KCNJ18: variants seen among roughly 807,000 people sequenced by gnomAD.
KCNJ18 encodes inward rectifier potassium channel 18.
Under a neutral mutation model 17.3 loss-of-function variants are expected in KCNJ18, and 16 were observed. The ratio of observed to expected loss-of-function variants is 0.92; its 90% CI spans 0.62 to 1.40. The LOEUF is 1.40. Ranked by LOEUF, KCNJ18 falls within the 40% of genes most tolerant of loss-of-function variation. The pLI is 0.00. For synonymous variants in KCNJ18, 185 were observed against 262.6 expected (o/e 0.70, Z 2.86); for missense variants, 462 against 626.8 (o/e 0.74, Z 2.81).
chr17:21,702,549 C>T (rs1332462233), intron 2 of KCNJ18, among the ~76,000 whole-genome samples, 182 bp from the exon 3 acceptor site: 7 of 152,278 alleles, frequency 4.6e-5, no homozygotes, highest in South Asian at 2.1e-4. Context: ...GCTGGGGGCC[C>T]GAAGGGGGTG....
intron 2 of KCNJ18, among the ~76,000 whole-genome samples, chr17:21,697,883 GC>G (rs1205132868): frequency 1.3e-5 from 2 of 152,312 alleles, no homozygotes; most frequent in African/African-American, 4.8e-5. Flanking sequence ...AAGCTCTGTG[GC>G]TGAGGAATGG....
In KCNJ18 at chr17:21,704,137, C is replaced by G. The variant is rs1270189751; in HGVS notation, c.*49C>G. Reference sequence around the variant, plus strand: ...ATCCACCCCTGGCCGGGGAGAGGCCCCGCGGTCGCTCAGGGGCCCTGGGTT... The same window carrying G: ...ATCCACCCCTGGCCGGGGAGAGGCCGCGCGGTCGCTCAGGGGCCCTGGGTT... On this transcript the variant is annotated 3_prime_UTR_variant, in exon 3 of 3. Transcript: ENST00000567955. 1.1e-5 allele frequency: 17 copies of G among 1,479,344 alleles called. No homozygotes were observed. The highest frequency in any genetic ancestry group is 1.4e-5 in the Non-Finnish European group (16 of 1,115,584). 91.6% of individuals were successfully genotyped at this position (1,479,344 alleles called of 1,614,324 possible). A position where few individuals can be genotyped will look rare whatever the true frequency, so the allele number is the denominator to read the frequency against.
rs1459077683 is a variant in KCNJ18 at position 21,703,858 on chromosome 17, A to G, written c.1072A>G (p.Ser358Gly). The G allele has an allele frequency of 2.2e-5, 36 of 1,612,576 alleles. No individual in the cohort carries two copies. Among genetic ancestry groups the G allele is most frequent in the Non-Finnish European group, 3.1e-5 (36 of 1,179,992 alleles). The change falls in exon 3 of 3, where the codon AGT (serine) becomes GGT (glycine). Residue 358 changes from serine to glycine, a missense_variant. Physicochemically the swap from Ser to Gly is moderately conservative, Grantham distance 56 (BLOSUM62 0). Coordinates refer to ENST00000567955, the MANE Select transcript of KCNJ18 (RefSeq NM_001194958.2). ...TGAGGTGCCCTCTACGCCCCGCTGCAGTGCGAAGGATCTGGTAGAGAACAA... is the reference window on the plus strand; with the variant it reads ...TGAGGTGCCCTCTACGCCCCGCTGCGGTGCGAAGGATCTGGTAGAGAACAA... ...TYEVPSTPRCSAKDLVENKFL... is the reference protein window; with the variant it reads ...TYEVPSTPRCGAKDLVENKFL...
Position 21,703,802 on chromosome 17 carries a change from A to T in KCNJ18, c.1016A>T (p.Lys339Met). The T allele has an allele frequency of 2.5e-6, 4 of 1,609,724 alleles. No individual in the cohort carries two copies. The highest frequency in any genetic ancestry group is 3.4e-6 in the Non-Finnish European group (4 of 1,179,238). Residue 339 changes from lysine (K) to methionine (M), a missense_variant, in exon 3 of 3, where the codon AAG becomes ATG. Around this residue, in one of 5 missense-constraint regions of KCNJ18, gnomAD observed 20 missense variants for 61.7 expected, o/e 0.32. Coordinates refer to ENST00000567955, the MANE Select transcript of KCNJ18 (RefSeq NM_001194958.2). ...PVLFEEKNQY[K>M]IDYSHFHKTY... ...CTCTTCGAGGAGAAGAACCAGTACA[A>T]GATTGACTACTCGCACTTCCACAAG... is the stretch of plus-strand genomic sequence containing the variant.
intron 2 of KCNJ18, among the ~76,000 whole-genome samples, chr17:21,701,346 T>C (rs1905943550): frequency 6.6e-6 from 1 of 152,296 alleles, no homozygotes. Context: ...TGGGAACAGG[T>C]GACACCCCTG....
At chr17:21,695,561 G>A (rs1203783934) in intron 1 of KCNJ18, among the ~76,000 whole-genome samples, 2 of 152,298 alleles carry the variant, frequency 1.3e-5, no homozygotes, top group Admixed American at 6.5e-5. Context: ...TCTGCAGGTG[G>A]TGGCTGGGAG....
In KCNJ18 at chr17:21,703,164, G is replaced by A; in HGVS notation, c.378G>A (p.Gln126=). The A allele has an allele frequency of 6.2e-7, 1 of 1,610,644 alleles. No homozygotes were observed. The highest frequency in any genetic ancestry group is 8.5e-7 in the Non-Finnish European group (1 of 1,179,132). ...ACGGCCGCACACCCTGTGTGATGCA[G>A]GTGCACGGCTTCATGGCGGCCTTCC... The part of the protein sequence containing the change: ...EGHGRTPCVM[Q]VHGFMAAFLF... The change falls in exon 3 of 3, where the codon CAG becomes CAA. Residue 126 remains glutamine, a synonymous_variant. Coordinates refer to ENST00000567955, the MANE Select transcript of KCNJ18 (RefSeq NM_001194958.2).
At chr17:21,697,231 G>A (rs1453268505) in intron 2 of KCNJ18, among the ~76,000 whole-genome samples, 2 of 152,312 alleles carry the variant, frequency 1.3e-5, no homozygotes, top group African/African-American at 4.8e-5. Context: ...TAAGGGCCTA[G>A]GATATCAGTG....
rs1309543491 is a variant in KCNJ18, at chr17:21,702,727, C to G, written c.-56-4C>G. The G allele has an allele frequency of 2.5e-3, 3,609 of 1,468,958 alleles. 75 individuals are homozygous for G. In the African/African-American group the frequency reaches 0.044, roughly 18 times the overall value. 91.0% of individuals were successfully genotyped at this position (1,468,958 alleles called of 1,614,324 possible). A position where few individuals can be genotyped will look rare whatever the true frequency, so the allele number is the denominator to read the frequency against. On this transcript the variant is annotated splice_region_variant and splice_polypyrimidine_tract_variant and intron_variant, in intron 2 of 2. Coordinates refer to ENST00000567955, the MANE Select transcript of KCNJ18 (RefSeq NM_001194958.2). ...AGCCAGACATGCTGTCCTCTCTGTT[C>G]CAGGAGCCGCCCTGCCTGGAGCTAG...
chr17:21,702,251 G>A (rs1905983753), intron 2 of KCNJ18, among the ~76,000 whole-genome samples: 1 of 151,876 alleles, frequency 6.6e-6, no homozygotes. Flanking sequence ...GAAGTCCGAG[G>A]GGTCAGGAGC....
chr17:21,696,196 T>C (rs1433962064), intron 2 of KCNJ18, 92 bp downstream of exon 2: 9 of 152,046 alleles, frequency 5.9e-5, no homozygotes, highest in African/African-American at 2.2e-4. Flanking sequence ...CCACCCACCA[T>C]GCCATCCTTT....
chr17:21,696,266 C>CA (rs1363425925), intron 2 of KCNJ18, among the ~76,000 whole-genome samples, 162 bp downstream of exon 2: 1 of 151,830 alleles, frequency 6.6e-6, no homozygotes, highest in Non-Finnish European at 1.5e-5. Flanking sequence ...CCCATGCCTC[C>CA]ACCCCTCCAT....
At chr17:21,700,500 G>T (rs1905917717) in intron 2 of KCNJ18, among the ~76,000 whole-genome samples, 1 of 96,670 alleles carries the variant, frequency 1.0e-5, no homozygotes, top group African/African-American at 3.8e-5. Context: ...GGACCAGCGG[G>T]CTCGGGGCTA....
rs1265796677 is a variant in KCNJ18, at chr17:21,704,331, G to A, written c.*243G>A. 2 of 515,810 alleles carry A rather than the reference G, an allele frequency of 3.9e-6. No homozygotes were observed. The highest frequency in any genetic ancestry group is 4.8e-5 in the South Asian group (1 of 20,868). 32.0% of individuals were successfully genotyped at this position (515,810 alleles called of 1,614,324 possible). On this transcript the variant is annotated 3_prime_UTR_variant, in exon 3 of 3. Transcript: ENST00000567955. The stretch of plus-strand genomic sequence containing the variant: ...CAGGGCAAAGAAGTGGCCTCCTGGG[G>A]GGCCAGGCCACGGGGGCCAGGGCTT...
chr17:21,699,170 C>A (rs1208038453), intron 2 of KCNJ18, among the ~76,000 whole-genome samples: 6 of 152,222 alleles, frequency 3.9e-5, no homozygotes, highest in Non-Finnish European at 8.8e-5. Context: ...CCTCTTCCAG[C>A]AAAACAGTTT....
chr17:21,703,104 G>C lies in KCNJ18; in HGVS notation c.318G>C (p.Ala106=). 1.9e-6 allele frequency: 3 copies of C among 1,612,188 alleles called. No homozygotes were observed. The South Asian group carries it at 3.3e-5, about 18-fold the overall frequency. ...LLFGVIFWVI[A]VAHGDLEPAE... ...TCGGCGTCATCTTCTGGGTCATCGC[G>C]GTGGCACACGGTGACCTGGAGCCGG... The change falls in exon 3 of 3, where the codon GCG becomes GCC. Residue 106 remains alanine, a synonymous_variant. Coordinates refer to ENST00000567955, the MANE Select transcript of KCNJ18 (RefSeq NM_001194958.2).
At chr17:21,693,140 T>C (rs1905652398) in intron 1 of KCNJ18, among the ~76,000 whole-genome samples, 1 of 152,304 alleles carries the variant, frequency 6.6e-6, no homozygotes, top group African/African-American at 2.4e-5. Context: ...TTGTGGGACT[T>C]GGCGGGGTGA....
chr17:21,701,850 G>T lies in KCNJ18; in HGVS notation c.-56-881G>T, dbSNP rs1369058944. Among the ~76,000 whole-genome samples, 1,458 of 152,182 alleles carry T rather than the reference G, an allele frequency of 9.6e-3. 1 individual carries two copies. The highest frequency in any genetic ancestry group is 0.033 in the African/African-American group (1,373 of 41,468). Reference sequence around the variant, plus strand: ...CGCTTGAACCTAGGAGGCGGAGATGGCAGTGAGCTGAAATTGCGCCATTGC... The same window carrying T: ...CGCTTGAACCTAGGAGGCGGAGATGTCAGTGAGCTGAAATTGCGCCATTGC... On this transcript the variant is annotated intron_variant, in intron 2 of 2. Transcript: ENST00000567955.
In KCNJ18 at chr17:21,699,474, GTCTC is replaced by G. The variant is rs1229411118; in HGVS notation, c.-56-3242_-56-3239del. ...GGGGCTCCCAGCACCCCTGGGGAGG[GTCTC>G]TCTCTCTCTCTCTCACACACACACA... On this transcript the variant is annotated intron_variant, in intron 2 of 2. Transcript: ENST00000567955. 8.5e-3 allele frequency among the ~76,000 whole-genome samples: 1,260 copies of G among 149,082 alleles called. 12 individuals are homozygous for G. Among genetic ancestry groups the G allele is most frequent in the African/African-American group, 0.03 (1,201 of 40,318 alleles).
Sources: gnomAD v4.1 joint callset for allele counts (sites outside exome capture counted in the v4.1 genomes callset) on GRCh38, gnomAD v4.1.1 for gene constraint, gnomAD v4.1.1 regional missense constraint, MANE v1.5 for transcripts, NCBI Gene and HGNC (gene_info 2026-07-23, HGNC 2026-07-21) for gene names.